SLC9B1: variants seen among roughly 807,000 people sequenced by gnomAD.
SLC9B1 encodes the protein solute carrier family 9 member B1, also known as sodium/hydrogen exchanger 9B1.
SLC9B1 carries 32 observed loss-of-function variants against 51.7 expected under a neutral mutation model. That is an observed-to-expected ratio of 0.62 (90% CI 0.47 to 0.83). SLC9B1 has a LOEUF of 0.83. Ranked by LOEUF, SLC9B1 falls within the 40% of genes least tolerant of loss-of-function variation. The pLI, the probability that SLC9B1 is intolerant of heterozygous loss-of-function variation, is 0.00. For synonymous variants in SLC9B1, 145 were observed against 212.7 expected (o/e 0.68, Z 2.77); for missense variants, 406 against 613.2 (o/e 0.66, Z 3.57).
intron 11 of SLC9B1, chr4:102,892,185 A>C (rs1734279404): frequency 6.6e-6 from 1 of 152,166 alleles, no homozygotes; most frequent in Admixed American, 6.6e-5. Context: ...CAGCCTCCCA[A>C]GTAGCTGAGA....
exon 12 of SLC9B1, chr4:102,885,131 G>A: frequency 9.2e-7 from 1 of 1,088,070 alleles, no homozygotes; most frequent in East Asian, 2.4e-5. Context: ...AAGTAACAAA[G>A]AATAAGCTCA....
chr4:102,899,663 C>T (rs6858708), downstream of SLC9B1, among the ~76,000 whole-genome samples: 5,171 of 152,004 alleles, frequency 0.034, 297 homozygotes, highest in African/African-American at 0.12. Flanking sequence ...CTGCCCATGT[C>T]GGCCTCCCAA....
chr4:102,906,309 T>G, intron 10 of SLC9B1: 1 of 254,220 alleles, frequency 3.9e-6, no homozygotes, highest in Non-Finnish European at 7.3e-6. Flanking sequence ...CTTATATTTA[T>G]TTCTTCAGAT....
At position 102,906,573 on chromosome 4, in the gene SLC9B1, T is replaced by C. The variant is rs1395862185; in HGVS notation, c.1158A>G (p.Ala386=). The C allele has an allele frequency of 6.3e-7, 1 of 1,589,330 alleles. No individual in the cohort carries two copies. The highest frequency in any genetic ancestry group is 1.3e-5 in the African/African-American group (1 of 74,696). The change falls in exon 10 of 12, where the codon GCA becomes GCG. Residue 386 remains alanine (A), a synonymous_variant. Transcript: ENST00000296422. ...FQPLLFGLVG[A]EVSVSSLESN... ...ATTCAAGCGATGAAACAGATACTTC[T>C]GCTCCAACTAAACCAAAAAGAAGTG...
At chr4:102,975,121 C>T (rs890575686) in intron 3 of SLC9B1, among the ~76,000 whole-genome samples, 1 of 152,180 alleles carries the variant, frequency 6.6e-6, no homozygotes, top group Non-Finnish European at 1.5e-5. Flanking sequence ...TCTGCCTTAG[C>T]CTCCTGAGTA....
intron 3 of SLC9B1, among the ~76,000 whole-genome samples, chr4:102,957,739 T>C (rs1737880156): frequency 3.3e-5 from 5 of 152,232 alleles, no homozygotes; most frequent in South Asian, 2.1e-4. Context: ...AAGTGGTAAA[T>C]AAATTTGTAA....
intron 3 of SLC9B1, among the ~76,000 whole-genome samples, chr4:102,971,700 G>T (rs1403068558): frequency 6.6e-6 from 1 of 152,128 alleles, no homozygotes; most frequent in African/African-American, 2.4e-5. Context: ...GCATCCAGGA[G>T]CTGTTTTTTT....
intron 3 of SLC9B1, among the ~76,000 whole-genome samples, chr4:102,975,124 C>T (rs576203000): frequency 5.3e-5 from 8 of 152,290 alleles, no homozygotes; most frequent in East Asian, 1.9e-4. Context: ...GCCTTAGCCT[C>T]CTGAGTAGCT....
chr4:103,005,169 C>G (rs1403467508), intron 1 of SLC9B1, among the ~76,000 whole-genome samples: 1 of 151,328 alleles, frequency 6.6e-6, no homozygotes, highest in Non-Finnish European at 1.5e-5. Context: ...AAGCAAGACC[C>G]AACAATATAC....
At chr4:103,008,548 G>GT (rs552506048) in intron 1 of SLC9B1, among the ~76,000 whole-genome samples, 195 of 151,468 alleles carry the variant, frequency 1.3e-3, no homozygotes, top group Non-Finnish European at 2.3e-3. Flanking sequence ...TGTCCGTCTA[G>GT]TTTTTTTATT....
intron 1 of SLC9B1, among the ~76,000 whole-genome samples, chr4:103,001,359 A>G (rs1278559238): frequency 1.3e-5 from 2 of 152,130 alleles, no homozygotes; most frequent in Non-Finnish European, 2.9e-5. Context: ...TCCCCCAAAA[A>G]TGGATTTTTC....
intron 3 of SLC9B1, chr4:102,963,224 T>C (rs1578384593): frequency 2.9e-6 from 1 of 342,034 alleles, no homozygotes; most frequent in Non-Finnish European, 5.8e-6. Flanking sequence ...AGCTTAATGA[T>C]AGCCTCAACT....
chr4:102,946,532 A>T (rs2110473769), intron 5 of SLC9B1, 115 bp downstream of exon 5: 1 of 1,164,486 alleles, frequency 8.6e-7, no homozygotes, highest in Middle Eastern at 3.0e-4. Context: ...TCTTTATCTT[A>T]GGTTTGTTTA....
At chr4:102,900,229 T>G (rs192364240), downstream of SLC9B1, among the ~76,000 whole-genome samples, 79 of 152,314 alleles carry the variant, frequency 5.2e-4, no homozygotes, top group Admixed American at 7.2e-4. Context: ...TTTATATGAC[T>G]CTTATAACTT....
At chr4:102,980,794 T>C (rs1490526069) in intron 3 of SLC9B1, among the ~76,000 whole-genome samples, 1 of 152,094 alleles carries the variant, frequency 6.6e-6, no homozygotes, top group African/African-American at 2.4e-5. Context: ...ATGACCAACA[T>C]TCCACACCAG....
At chr4:103,006,864 T>C (rs1177699620) in intron 1 of SLC9B1, among the ~76,000 whole-genome samples, 1 of 152,190 alleles carries the variant, frequency 6.6e-6, no homozygotes, top group Non-Finnish European at 1.5e-5. Flanking sequence ...CATCACATAA[T>C]TAGAACTAAA....
At chr4:102,908,768 A>G (rs1269397252) in intron 9 of SLC9B1, among the ~76,000 whole-genome samples, 1 of 152,308 alleles carries the variant, frequency 6.6e-6, no homozygotes, top group African/African-American at 2.4e-5. Context: ...TACACCAGAC[A>G]CCATAAACAA....
At chr4:102,973,517 C>A (rs560334828) in intron 3 of SLC9B1, among the ~76,000 whole-genome samples, 33 of 152,142 alleles carry the variant, frequency 2.2e-4, no homozygotes, top group African/African-American at 7.9e-4. Context: ...ATTTTAACCA[C>A]CGTATTAAAA....
intron 7 of SLC9B1, among the ~76,000 whole-genome samples, chr4:102,926,486 T>A (rs1284097002): frequency 6.6e-6 from 1 of 152,256 alleles, no homozygotes; most frequent in Non-Finnish European, 1.5e-5. Flanking sequence ...ATGAGTGAAC[T>A]CCCATTCACA....
Sources: allele counts gnomAD v4.1 joint callset (sites outside exome capture counted in the v4.1 genomes callset), GRCh38; gene constraint gnomAD v4.1.1; transcripts MANE v1.5; gene names NCBI Gene and HGNC (gene_info 2026-07-23, HGNC 2026-07-21).